SCLY: variants seen among roughly 807,000 people sequenced by gnomAD.
SCLY encodes putative selenocysteine lyase.
Under a neutral mutation model 50.1 loss-of-function variants are expected in SCLY, and 38 were observed. The observed-to-expected ratio is 0.76, with a 90% CI of 0.59 to 0.99. The LOEUF is 0.99. Ranked by LOEUF, SCLY falls within the 50% of genes least tolerant of loss-of-function variation. The pLI is 0.00. For synonymous variants in SCLY, 243 were observed against 249.4 expected (o/e 0.97, Z 0.24); for missense variants, 600 against 620.0 (o/e 0.97, Z 0.34).
In SCLY at chr2:238,083,393, C is replaced by A. The variant is rs556984992; in HGVS notation, c.884+39C>A. The A allele has an allele frequency of 7.1e-7, 1 of 1,403,382 alleles. No homozygotes were observed. Among genetic ancestry groups the A allele is most frequent in the South Asian group, 1.2e-5 (1 of 86,690 alleles). 86.9% of individuals were successfully genotyped at this position (1,403,382 alleles called of 1,614,324 possible). On this transcript the variant is annotated intron_variant, in intron 7 of 11. Transcript: ENST00000254663. The surrounding 1 kb of genome is among the most constrained non-coding windows in gnomAD (Gnocchi z 4.3). ...TTAACAAAGTCTCTGACCTACTGAC[C>A]GTGTCATTTGTAGAGCAGTGACATT...
intron 7 of SCLY, among the ~76,000 whole-genome samples, chr2:238,087,806 A>G (rs1462261383): frequency 6.6e-6 from 1 of 152,166 alleles, no homozygotes; most frequent in Admixed American, 6.5e-5. Flanking sequence ...AGAATTATAC[A>G]CTGCTGGGTG....
In SCLY at chr2:238,098,250, G is replaced by GA; in HGVS notation, c.1235dup (p.Asn412LysfsTer67). 6.2e-7 allele frequency: 1 copy of GA among 1,610,952 alleles called. No homozygotes were observed. Among genetic ancestry groups the GA allele is most frequent in the Non-Finnish European group, 8.5e-7 (1 of 1,179,678 alleles). Reference sequence around the variant, plus strand: ...ACGGTGTCCCCTTCGACGTGGCCAGGAACGCGCTCCGGCTCAGCGTGGGCC... The same window carrying GA: ...ACGGTGTCCCCTTCGACGTGGCCAGGAAACGCGCTCCGGCTCAGCGTGGGCC... On this transcript the variant is annotated frameshift_variant, in exon 12 of 12. Transcript: ENST00000254663. LOFTEE classifies it high-confidence loss of function.
chr2:238,093,639 G>A lies in SCLY; in HGVS notation c.922-222G>A. ...GGAGCCCTTTCAGGGCTGCTTTGCT[G>A]AGGCATCTCCAGTGCCTGGTGCTGT... On this transcript the variant is annotated intron_variant, in intron 8 of 11. Transcript: ENST00000254663. 8.9e-6 allele frequency: 5 copies of A among 564,138 alleles called. No individual in the cohort carries two copies. The South Asian group carries it at 9.0e-5, about 10-fold the overall frequency. 34.9% of individuals were successfully genotyped at this position (564,138 alleles called of 1,614,324 possible).
chr2:238,094,120 G>C, intron 9 of SCLY, 176 bp downstream of exon 9: 1 of 657,048 alleles, frequency 1.5e-6, no homozygotes, highest in Non-Finnish European at 2.6e-6. Context: ...ATTGGGATCT[G>C]AAACCCCGAA....
intron 6 of SCLY, chr2:238,082,920 C>CTT: frequency 3.5e-5 from 10 of 286,348 alleles, no homozygotes; most frequent in South Asian, 1.1e-4. Context: ...CATTCTCTTT[C>CTT]TTTTTTTTTT....
intron 7 of SCLY, among the ~76,000 whole-genome samples, chr2:238,088,384 C>G (rs1383225141): frequency 1.3e-5 from 2 of 152,116 alleles, no homozygotes; most frequent in African/African-American, 4.8e-5. Flanking sequence ...ATCGATTGAA[C>G]CTGGGTAACA....
At chr2:238,063,385 G>A (rs1190663070) in intron 1 of SCLY, among the ~76,000 whole-genome samples, 2 of 151,864 alleles carry the variant, frequency 1.3e-5, no homozygotes, top group African/African-American at 4.8e-5. Context: ...CCCTAGTAGG[G>A]CTAATGTTTG....
rs911425889 is a variant in SCLY, at chr2:238,083,978, G to T, written c.884+624G>T. Among the ~76,000 whole-genome samples, 3 of 152,222 alleles carry T rather than the reference G, an allele frequency of 2.0e-5. No individual in the cohort carries two copies. Among genetic ancestry groups the T allele is most frequent in the Non-Finnish European group, 4.4e-5 (3 of 68,046 alleles). ...CAAAGCCTGTCCTCTCTAGCCAGTG[G>T]ACCAGGAAAGGAATGGCCTAGCAAG... On this transcript the variant is annotated intron_variant, in intron 7 of 11. Transcript: ENST00000254663. This position sits in a 1 kb window ranked among gnomAD's most constrained non-coding sequence, Gnocchi z 4.3.
intron 1 of SCLY, among the ~76,000 whole-genome samples, chr2:238,063,915 T>C (rs187227569): frequency 2.4e-4 from 37 of 152,102 alleles, no homozygotes; most frequent in Admixed American, 1.2e-3. Flanking sequence ...GAGTGTTTGT[T>C]ATTAGAGACT....
Position 238,068,172 on chromosome 2 carries a change from C to T in SCLY, c.303+7C>T. The T allele has an allele frequency of 1.3e-6, 2 of 1,536,478 alleles. No individual in the cohort carries two copies. The highest frequency in any genetic ancestry group is 9.0e-7 in the Non-Finnish European group (1 of 1,115,654). ...CACTTCCGGGGGCACTGAGGTAAAG[C>T]TTCTGAACACACTCACATTCTGTTA... On this transcript the variant is annotated splice_region_variant and intron_variant, in intron 3 of 11. Transcript: ENST00000254663.
chr2:238,062,266 TATTTATAGGAAAGA>T (rs1489309192), intron 1 of SCLY, among the ~76,000 whole-genome samples: 1 of 152,112 alleles, frequency 6.6e-6, no homozygotes, highest in Admixed American at 6.5e-5. Flanking sequence ...TTTGGATGCT[TATTTATAGGAAAGA>T]AAAACAGATA....
At chr2:238,068,293 AATC>A in intron 3 of SCLY, 128 bp downstream of exon 3, 2 of 721,458 alleles carry the variant, frequency 2.8e-6, no homozygotes, top group Non-Finnish European at 4.4e-6. Flanking sequence ...TCATGCCTGT[AATC>A]CCAGTACTTT....
chr2:238,086,446 C>T (rs181523298), intron 7 of SCLY, among the ~76,000 whole-genome samples: 3 of 152,328 alleles, frequency 2.0e-5, no homozygotes, highest in East Asian at 1.9e-4. Flanking sequence ...CACGATGGCT[C>T]ACACCTATAA....
At chr2:238,094,578 G>A in intron 10 of SCLY, 56 bp downstream of exon 10, 1 of 1,439,542 alleles carries the variant, frequency 6.9e-7, no homozygotes, top group Non-Finnish European at 9.8e-7. Context: ...CTCGGTGCGT[G>A]GATTCTGGTC....
intron 4 of SCLY, chr2:238,073,771 C>A: frequency 2.1e-6 from 1 of 466,870 alleles, no homozygotes; most frequent in Non-Finnish European, 4.4e-6. Flanking sequence ...TCTTCTTCTT[C>A]CTCCTCCTCA....
chr2:238,064,387 T>A lies in SCLY; in HGVS notation c.120T>A (p.Thr40=), dbSNP rs553246017. The A allele has an allele frequency of 1.2e-6, 2 of 1,609,454 alleles. No individual in the cohort carries two copies. Among genetic ancestry groups the A allele is most frequent in the South Asian group, 2.2e-5 (2 of 90,098 alleles). ...TTTATATGGACTATAATGCAACGAC[T>A]CCCCTGGAGCCAGAAGTTATCCAGG... is the stretch of plus-strand genomic sequence containing the variant. ...RKVYMDYNAT[T]PLEPEVIQAM... Residue 40 remains threonine, a synonymous_variant, in exon 2 of 12, where the codon ACT becomes ACA. Coordinates refer to ENST00000254663, the MANE Select transcript of SCLY (RefSeq NM_016510.7).
intron 11 of SCLY, among the ~76,000 whole-genome samples, chr2:238,097,402 G>A (rs1208173143): frequency 2.0e-5 from 3 of 152,168 alleles, no homozygotes; most frequent in East Asian, 3.9e-4. Flanking sequence ...TGGCAGCAGG[G>A]GAGAAGTGGT....
rs537128841 is a variant in SCLY at position 238,083,360 on chromosome 2, G to A, written c.884+6G>A. 2.2e-5 allele frequency: 35 copies of A among 1,586,952 alleles called. No individual in the cohort carries two copies. The South Asian group carries it at 3.8e-4, about 17-fold the overall frequency. On this transcript the variant is annotated splice_donor_region_variant and intron_variant, in intron 7 of 11. Transcript: ENST00000254663. This position sits in a 1 kb window ranked among gnomAD's most constrained non-coding sequence, Gnocchi z 4.3. ...GAACGGAATTTCAGGCCAGGGTAAG[G>A]CAGAAAGTTAACAAAGTCTCTGACC...
At chr2:238,084,623 G>A (rs1383446390) in intron 7 of SCLY, among the ~76,000 whole-genome samples, 3 of 125,920 alleles carry the variant, frequency 2.4e-5, no homozygotes, top group Non-Finnish European at 4.9e-5. Flanking sequence ...AGCCCAGCAC[G>A]GTGGCTCACT....
Sources: gnomAD v4.1 joint callset for allele counts (sites outside exome capture counted in the v4.1 genomes callset) on GRCh38, gnomAD v4.1.1 for gene constraint, Gnocchi (gnomAD v3.1) non-coding constraint, MANE v1.5 for transcripts, NCBI Gene and HGNC (gene_info 2026-07-23, HGNC 2026-07-21) for gene names.